CCPG1: variants seen among roughly 807,000 people sequenced by gnomAD.
The protein encoded by CCPG1 is cell cycle progression 1.
Under a neutral mutation model 81.3 loss-of-function variants are expected in CCPG1, and 46 were observed. That is an observed-to-expected ratio of 0.57 (90% CI 0.45 to 0.72). The LOEUF is 0.72. CCPG1 is among the 30% of genes least tolerant of loss of function. The pLI, the probability that CCPG1 is intolerant of heterozygous loss-of-function variation, is 0.00. For missense variants in CCPG1, 902 were observed against 937.6 expected (o/e 0.96, Z 0.50); for synonymous variants, 330 against 305.2 (o/e 1.08, Z -0.85).
chr15:55,378,285 A>G lies in CCPG1; in HGVS notation c.252+15T>C. The stretch of plus-strand genomic sequence containing the variant: ...ACTATTTAACATATATCCACAGTGT[A>G]AAATACAAGTTTACCTCAATTGTTG... On this transcript the variant is annotated intron_variant, in intron 4 of 8. Coordinates refer to ENST00000442196, the MANE Select transcript of CCPG1 (RefSeq NM_001204450.2). 6.5e-7 allele frequency: 1 copy of G among 1,532,902 alleles called. No individual in the cohort carries two copies. Among genetic ancestry groups the G allele is most frequent in the Non-Finnish European group, 9.0e-7 (1 of 1,108,280 alleles). 95.0% of individuals were successfully genotyped at this position (1,532,902 alleles called of 1,614,324 possible). A position where few individuals can be genotyped will look rare whatever the true frequency, so the allele number is the denominator to read the frequency against.
intron 7 of CCPG1, 52 bp downstream of exon 7, chr15:55,365,136 A>ACAG: frequency 1.8e-6 from 2 of 1,111,092 alleles, no homozygotes; most frequent in Non-Finnish European, 2.6e-6. Flanking sequence ...GCTCTAACTA[A>ACAG]TAAGCAAAAT....
At chr15:55,389,999 C>T (rs1237062997) in intron 1 of CCPG1, among the ~76,000 whole-genome samples, 2 of 152,224 alleles carry the variant, frequency 1.3e-5, no homozygotes, top group East Asian at 3.9e-4. Context: ...TCTCGACTTG[C>T]TGCAACCTCC....
intron 2 of CCPG1, among the ~76,000 whole-genome samples, chr15:55,386,301 T>C (rs2056798184): frequency 6.6e-6 from 1 of 151,998 alleles, no homozygotes; most frequent in Non-Finnish European, 1.5e-5. Flanking sequence ...TAAAAATGGC[T>C]AAAGCTTTAA....
Position 55,376,938 on chromosome 15 carries a change from T to A in CCPG1, c.454+11A>T. On this transcript the variant is annotated intron_variant, in intron 5 of 8. Transcript: ENST00000442196. ...TACATGTCTTTAAGTCTCTTATCAG[T>A]GTATTCTTACCAGTTTCTGGCTGAC... 1 of 1,597,372 alleles carries A rather than the reference T, an allele frequency of 6.3e-7. No homozygotes were observed. The highest frequency in any genetic ancestry group is 8.6e-7 in the Non-Finnish European group (1 of 1,166,844).
At position 55,355,443 on chromosome 15, in the gene CCPG1, A is replaced by G. The variant is rs758656192; in HGVS notation, c.*777T>C. On this transcript the variant is annotated 3_prime_UTR_variant, in exon 9 of 9. Coordinates refer to ENST00000442196, the MANE Select transcript of CCPG1 (RefSeq NM_001204450.2). ...AAGATGAAATTCTGAACTTTCCTAG[A>G]TAAATTAACATTGCTGGGTGGAAAT... is the stretch of plus-strand genomic sequence containing the variant. The G allele has an allele frequency of 5.6e-6, 9 of 1,596,336 alleles. No homozygotes were observed. Among genetic ancestry groups the G allele is most frequent in the Non-Finnish European group, 6.8e-6 (8 of 1,169,586 alleles).
At chr15:55,372,305 A>G in intron 5 of CCPG1, 3 of 499,040 alleles carry the variant, frequency 6.0e-6, no homozygotes, top group South Asian at 4.5e-5. Flanking sequence ...CTGTTTTTTT[A>G]TTTAATCCTC....
chr15:55,395,910 C>T (rs749207043), intron 1 of CCPG1, among the ~76,000 whole-genome samples: 1 of 152,078 alleles, frequency 6.6e-6, no homozygotes, highest in African/African-American at 2.4e-5. Flanking sequence ...AATCCCAGCA[C>T]TTTGGGAGGC....
intron 5 of CCPG1, chr15:55,372,988 T>C (rs770558916): frequency 9.4e-6 from 5 of 534,748 alleles, no homozygotes; most frequent in South Asian, 1.4e-5. Context: ...TTATTAATTT[T>C]ACCCTCTAGT....
At chr15:55,378,900 A>G (rs1419615911) in intron 3 of CCPG1, among the ~76,000 whole-genome samples, 2 of 152,090 alleles carry the variant, frequency 1.3e-5, no homozygotes, top group African/African-American at 2.4e-5. Context: ...CCCAGCCACA[A>G]GATTTATTAA....
chr15:55,374,156 T>C, intron 5 of CCPG1: 2 of 1,288,336 alleles, frequency 1.6e-6, no homozygotes, highest in Non-Finnish European at 2.0e-6. Flanking sequence ...TCACACCACC[T>C]TGGAAAGCGA....
chr15:55,395,705 G>A (rs2057003641), intron 1 of CCPG1, among the ~76,000 whole-genome samples: 1 of 151,914 alleles, frequency 6.6e-6, no homozygotes, highest in Non-Finnish European at 1.5e-5. Flanking sequence ...TTCTGCATCT[G>A]GCACTTAATA....
intron 1 of CCPG1, among the ~76,000 whole-genome samples, chr15:55,404,787 T>C (rs1402976548): frequency 6.6e-6 from 1 of 152,000 alleles, no homozygotes; most frequent in Non-Finnish European, 1.5e-5. Context: ...ATTTTAAAAT[T>C]AGGGCCAGGT....
chr15:55,376,426 A>G (rs2056566671), intron 5 of CCPG1, among the ~76,000 whole-genome samples: 2 of 152,226 alleles, frequency 1.3e-5, no homozygotes, highest in Non-Finnish European at 2.9e-5. Context: ...CAGAATCTAA[A>G]ACAAAAGATC....
intron 6 of CCPG1, among the ~76,000 whole-genome samples, chr15:55,369,878 AT>A (rs1473590821): frequency 6.6e-6 from 1 of 151,844 alleles, no homozygotes; most frequent in Admixed American, 6.6e-5. Context: ...TCACTATCCA[AT>A]TTTTTTTGAA....
intron 1 of CCPG1, among the ~76,000 whole-genome samples, chr15:55,392,858 A>T (rs529454591): frequency 6.6e-6 from 1 of 152,264 alleles, no homozygotes; most frequent in East Asian, 1.9e-4. Flanking sequence ...TAATCCCAGC[A>T]CTTTGGGAGG....
chr15:55,367,557 C>T (rs2056355843), intron 6 of CCPG1, among the ~76,000 whole-genome samples: 1 of 151,928 alleles, frequency 6.6e-6, no homozygotes, highest in Non-Finnish European at 1.5e-5. Flanking sequence ...CAGATCTTGT[C>T]CTAACTTCTC....
At chr15:55,401,553 G>C (rs1036940399) in intron 1 of CCPG1, among the ~76,000 whole-genome samples, 1 of 151,938 alleles carries the variant, frequency 6.6e-6, no homozygotes, top group African/African-American at 2.4e-5. Flanking sequence ...TGTAATCCCA[G>C]CTATTCGGGA....
At chr15:55,374,169 T>C (rs1218403590) in intron 5 of CCPG1, 2 of 1,289,010 alleles carry the variant, frequency 1.6e-6, no homozygotes, top group South Asian at 2.5e-5. Flanking sequence ...GAAAGCGAGT[T>C]GGCTAGGAAC....
At chr15:55,358,817 A>G (rs1204346965) in intron 8 of CCPG1, 2 of 979,890 alleles carry the variant, frequency 2.0e-6, no homozygotes, top group Non-Finnish European at 2.4e-6. Context: ...CTTAATGACT[A>G]AAGACACCAG....
Sources: gnomAD v4.1 joint callset for allele counts (sites outside exome capture counted in the v4.1 genomes callset) on GRCh38, gnomAD v4.1.1 for gene constraint, MANE v1.5 for transcripts, NCBI Gene and HGNC (gene_info 2026-07-23, HGNC 2026-07-21) for gene names.